ERC1: variants seen among roughly 807,000 people sequenced by gnomAD.
ERC1 encodes the protein RAB6 interacting protein 2.
ERC1 carries 56 observed loss-of-function variants against 132.0 expected under a neutral mutation model. That is an observed-to-expected ratio of 0.42 (90% CI 0.34 to 0.53). ERC1 has a LOEUF of 0.53. Among genes scored for constraint, ERC1 ranks in the 20% least tolerant of loss-of-function variants. The pLI, the probability that ERC1 is intolerant of heterozygous loss-of-function variation, is 0.03. For synonymous variants in ERC1, 478 were observed against 476.1 expected (o/e 1.00, Z -0.05); for missense variants, 1,202 against 1,349.9 (o/e 0.89, Z 1.72).
At chr12:1,248,878 A>G (rs770904544) in intron 13 of ERC1, among the ~76,000 whole-genome samples, 5 of 152,016 alleles carry the variant, frequency 3.3e-5, no homozygotes, top group Non-Finnish European at 5.9e-5. Flanking sequence ...AGAGGTTTTT[A>G]TTTATATTTA....
At chr12:1,130,830 G>T (rs377012045) in intron 7 of ERC1, among the ~76,000 whole-genome samples, 2 of 152,060 alleles carry the variant, frequency 1.3e-5, no homozygotes, top group East Asian at 3.8e-4. Context: ...TGCCCTTCAC[G>T]TAGCATTCAG....
In ERC1 at chr12:1,196,800, C is replaced by T. The variant is rs570208981; in HGVS notation, c.2351+6748C>T. On this transcript the variant is annotated intron_variant, in intron 12 of 18. Coordinates refer to ENST00000360905, the MANE Select transcript of ERC1 (RefSeq NM_178040.4). The stretch of plus-strand genomic sequence containing the variant: ...CCACCACACCTGGTGCATGTGCGCA[C>T]GCTATTTCTCTCTCTCTCTCTCTCT... Among the ~76,000 whole-genome samples the T allele has an allele frequency of 5.8e-5, 8 of 136,914 alleles. No homozygotes were observed. In the South Asian group the frequency reaches 9.8e-4, roughly 17 times the overall value. 89.8% of individuals were successfully genotyped at this position (136,914 alleles called of 152,430 possible). A position where few individuals can be genotyped will look rare whatever the true frequency, so the allele number is the denominator to read the frequency against.
At chr12:1,362,687 T>C (rs2086251065) in intron 15 of ERC1, among the ~76,000 whole-genome samples, 1 of 152,088 alleles carries the variant, frequency 6.6e-6, no homozygotes, top group Non-Finnish European at 1.5e-5. Context: ...GAAAGTAGAA[T>C]CGTGGCTGCC....
intron 3 of ERC1, among the ~76,000 whole-genome samples, chr12:1,094,104 C>T (rs1259365203): frequency 1.3e-5 from 2 of 149,282 alleles, no homozygotes; most frequent in Non-Finnish European, 3.0e-5. Context: ...CCGCAACCTC[C>T]GCGTCCCGGG....
intron 10 of ERC1, among the ~76,000 whole-genome samples, 198 bp downstream of exon 10, chr12:1,182,263 T>C (rs1398932823): frequency 6.6e-6 from 1 of 152,244 alleles, no homozygotes; most frequent in African/African-American, 2.4e-5. Flanking sequence ...ATTCATTTTC[T>C]AAGTATTACT....
chr12:1,294,274 A>G (rs73029195), intron 15 of ERC1, among the ~76,000 whole-genome samples: 4,235 of 152,238 alleles, frequency 0.028, 80 homozygotes, highest in Non-Finnish European at 0.037. Flanking sequence ...TAAATTTTAA[A>G]CTTATTCCAC....
chr12:1,037,588 A>C (rs1363957365), intron 2 of ERC1, among the ~76,000 whole-genome samples: 2 of 152,184 alleles, frequency 1.3e-5, no homozygotes, highest in Non-Finnish European at 2.9e-5. Flanking sequence ...GACTTGCAAC[A>C]TTTTAATTAT....
At chr12:1,196,976 A>T (rs11061661) in intron 12 of ERC1, among the ~76,000 whole-genome samples, 6,347 of 72,980 alleles carry the variant, frequency 0.087, 527 homozygotes, top group East Asian at 0.11. Context: ...ATATATATAT[A>T]TTTTTTTTTT....
At chr12:1,416,496 C>A (rs1371601881) in intron 17 of ERC1, among the ~76,000 whole-genome samples, 1 of 152,220 alleles carries the variant, frequency 6.6e-6, no homozygotes, top group East Asian at 1.9e-4. Context: ...CCCACCCACA[C>A]TTCTGTTTTA....
intron 17 of ERC1, among the ~76,000 whole-genome samples, chr12:1,441,251 G>A (rs576903955): frequency 6.6e-6 from 1 of 150,874 alleles, no homozygotes; most frequent in South Asian, 2.1e-4. Context: ...AGTAGAGATG[G>A]GGTTTCACCG....
chr12:1,181,192 A>G, intron 9 of ERC1, among the ~76,000 whole-genome samples: 1 of 152,084 alleles, frequency 6.6e-6, no homozygotes, highest in Admixed American at 6.5e-5. Flanking sequence ...ACCTTCCTTT[A>G]TATTTTAAGC....
intron 12 of ERC1, among the ~76,000 whole-genome samples, chr12:1,214,144 A>G (rs1958150000): frequency 6.6e-6 from 1 of 152,162 alleles, no homozygotes; most frequent in Non-Finnish European, 1.5e-5. Context: ...TGTACTATGT[A>G]CACCATCTTC....
chr12:1,132,544 G>C (rs551854734), intron 7 of ERC1, among the ~76,000 whole-genome samples: 2 of 152,244 alleles, frequency 1.3e-5, no homozygotes, highest in South Asian at 4.1e-4. Flanking sequence ...CTGAATCATG[G>C]ATCCAATATA....
intron 16 of ERC1, among the ~76,000 whole-genome samples, chr12:1,402,646 A>ACACACACACACACAC (rs1566780543): frequency 1.9e-5 from 2 of 105,120 alleles, no homozygotes; most frequent in Non-Finnish European, 3.6e-5. Flanking sequence ...CACACACACA[A>ACACACACACACACAC]AAGAACAAAG....
At chr12:1,043,495 A>G (rs1316302655) in intron 2 of ERC1, among the ~76,000 whole-genome samples, 1 of 152,198 alleles carries the variant, frequency 6.6e-6, no homozygotes, top group African/African-American at 2.4e-5. Flanking sequence ...AAGTTGTGGG[A>G]ACACTGGCTG....
intron 7 of ERC1, among the ~76,000 whole-genome samples, chr12:1,135,437 T>C (rs548430953): frequency 3.9e-5 from 6 of 152,340 alleles, no homozygotes; most frequent in Admixed American, 3.9e-4. Context: ...TGTTGTGCTT[T>C]ACCTAGCATT....
chr12:1,341,065 T>TTTTCTTTTTC (rs1566629762), intron 15 of ERC1, among the ~76,000 whole-genome samples: 2 of 95,420 alleles, frequency 2.1e-5, no homozygotes, highest in African/African-American at 7.5e-5. Context: ...ATTCTTTTCT[T>TTTTCTTTTTC]TTTCTTTTTT....
rs117275129 is a variant in ERC1 at position 1,281,596 on chromosome 12, T to C, written c.2620-8256T>C. Among the ~76,000 whole-genome samples the C allele has an allele frequency of 3.7e-4, 56 of 152,338 alleles. 2 individuals are homozygous for C. Among genetic ancestry groups the C allele is most frequent in the Non-Finnish European group, 7.6e-4 (52 of 68,036 alleles). On this transcript the variant is annotated intron_variant, in intron 14 of 18. Transcript: ENST00000360905. ...TGTCCTCCCTTCTTCCAGGAGCTTA[T>C]GTGTACCCAGTAGATCATTAATTTT...
chr12:1,430,471 G>C (rs1378593690), intron 17 of ERC1: 1 of 151,722 alleles, frequency 6.6e-6, no homozygotes, highest in Non-Finnish European at 1.5e-5. Flanking sequence ...TCTGCCTCCC[G>C]GGTTCAAGCG....
Sources: gnomAD v4.1 joint callset for allele counts (sites outside exome capture counted in the v4.1 genomes callset) on GRCh38, gnomAD v4.1.1 for gene constraint, MANE v1.5 for transcripts, NCBI Gene and HGNC (gene_info 2026-07-23, HGNC 2026-07-21) for gene names.